The following ST6GAL1 variants were observed in gnomAD, a reference collection of about 807,000 sequenced individuals.
ST6GAL1 encodes the protein ST6 beta-galactoside alpha-2,6-sialyltransferase 1.
ST6GAL1 carries 20 observed loss-of-function variants against 38.0 expected under a neutral mutation model. The ratio of observed to expected loss-of-function variants is 0.53; its 90% confidence interval spans 0.37 to 0.77. The LOEUF is 0.77. Among genes scored for constraint, ST6GAL1 ranks in the 30% least tolerant of loss-of-function variants. The pLI is 0.00. For missense variants in ST6GAL1, 432 were observed against 496.4 expected, an observed-to-expected ratio of 0.87 and a Z score of 1.23; for synonymous variants, 196 against 188.2, an observed-to-expected ratio of 1.04 and a Z score of -0.34.
At chr3:187,005,568 C>G (rs1200788965) in intron 2 of ST6GAL1, among the ~76,000 whole-genome samples, 1 of 152,112 alleles carries the variant, frequency 6.6e-6, no homozygotes, top group Non-Finnish European at 1.5e-5. Context: ...AGCCACGGCG[C>G]CCGGCATCTG....
intron 1 of ST6GAL1, among the ~76,000 whole-genome samples, chr3:186,955,745 C>T (rs1005416130): frequency 6.6e-6 from 1 of 152,168 alleles, no homozygotes; most frequent in Non-Finnish European, 1.5e-5. Flanking sequence ...TTGTGATCCA[C>T]CCACCTCAGC....
intron 2 of ST6GAL1, among the ~76,000 whole-genome samples, chr3:186,993,099 GTGTT>G (rs1164190423): frequency 2.0e-5 from 3 of 152,154 alleles, no homozygotes; most frequent in Non-Finnish European, 4.4e-5. Flanking sequence ...TCTGACTTGA[GTGTT>G]TGTGTCCCTA....
chr3:187,044,728 CAG>C (rs1449723955), intron 4 of ST6GAL1, among the ~76,000 whole-genome samples: 2 of 152,160 alleles, frequency 1.3e-5, no homozygotes, highest in East Asian at 1.9e-4. Flanking sequence ...AAGTTTGAGA[CAG>C]GGCCTGATAG....
chr3:186,984,850 T>TCCTG, intron 2 of ST6GAL1, among the ~76,000 whole-genome samples: 1 of 118,172 alleles, frequency 8.5e-6, no homozygotes, highest in Non-Finnish European at 1.7e-5. Flanking sequence ...CCTCCCTCCT[T>TCCTG]CCTTCCTTCC....
At chr3:187,062,853 T>C (rs1718969730) in intron 5 of ST6GAL1, among the ~76,000 whole-genome samples, 1 of 152,156 alleles carries the variant, frequency 6.6e-6, no homozygotes, top group African/African-American at 2.4e-5. Flanking sequence ...AAAATGTCAG[T>C]AGGGGAGACA....
intron 5 of ST6GAL1, 175 bp from the exon 6 acceptor site, chr3:187,072,674 G>T (rs771848436): frequency 6.1e-5 from 41 of 676,350 alleles, no homozygotes; most frequent in Non-Finnish European, 9.6e-5. Flanking sequence ...GGTCAACACA[G>T]TGCAGGCTGG....
At chr3:186,962,840 G>A (rs1579274986) in intron 1 of ST6GAL1, among the ~76,000 whole-genome samples, 1 of 152,136 alleles carries the variant, frequency 6.6e-6, no homozygotes, top group Non-Finnish European at 1.5e-5. Context: ...CACTATACAT[G>A]GCTCATTGGA....
At chr3:187,012,774 T>C (rs144302750) in intron 2 of ST6GAL1, among the ~76,000 whole-genome samples, 3 of 152,358 alleles carry the variant, frequency 2.0e-5, no homozygotes, top group Non-Finnish European at 2.9e-5. Context: ...TTTCCTGTTT[T>C]CTTCCCCTGA....
chr3:187,007,039 G>A (rs941142268), intron 2 of ST6GAL1, among the ~76,000 whole-genome samples: 6 of 152,190 alleles, frequency 3.9e-5, no homozygotes, highest in African/African-American at 1.4e-4. Flanking sequence ...CTCTACCAAT[G>A]TTTACAACAG....
intron 2 of ST6GAL1, among the ~76,000 whole-genome samples, chr3:187,014,075 G>C (rs1218688283): frequency 6.6e-6 from 1 of 152,180 alleles, no homozygotes; most frequent in African/African-American, 2.4e-5. Flanking sequence ...AGGTTTGCCA[G>C]CTCTCATTTA....
chr3:186,944,507 G>A (rs1338059750), intron 1 of ST6GAL1, among the ~76,000 whole-genome samples: 1 of 152,098 alleles, frequency 6.6e-6, no homozygotes, highest in Non-Finnish European at 1.5e-5. Flanking sequence ...GCAAAATCAA[G>A]ATTATTGAAA....
chr3:187,025,824 C>G (rs1053334690), intron 2 of ST6GAL1, among the ~76,000 whole-genome samples: 2 of 152,126 alleles, frequency 1.3e-5, no homozygotes, highest in African/African-American at 4.8e-5. Flanking sequence ...GGTGGGGACA[C>G]AACACCCCCC....
At chr3:187,017,774 G>A (rs893025254) in intron 2 of ST6GAL1, among the ~76,000 whole-genome samples, 3 of 152,150 alleles carry the variant, frequency 2.0e-5, no homozygotes, top group African/African-American at 7.2e-5. Context: ...AAACCACGAC[G>A]GACATGGTTG....
chr3:186,997,094 G>T (rs1716438792), intron 2 of ST6GAL1, among the ~76,000 whole-genome samples: 1 of 151,954 alleles, frequency 6.6e-6, no homozygotes, highest in Non-Finnish European at 1.5e-5. Flanking sequence ...AGAGACATGA[G>T]ACATGGAAAA....
At position 187,075,533 on chromosome 3, in the gene ST6GAL1, G is replaced by T. The variant is rs376137339; in HGVS notation, c.980-29G>T. The T allele has an allele frequency of 7.5e-6, 12 of 1,608,914 alleles. No homozygotes were observed. The highest frequency in any genetic ancestry group is 9.4e-6 in the Non-Finnish European group (11 of 1,176,110). On this transcript the variant is annotated intron_variant, in intron 7 of 7. Transcript: ENST00000169298. This position sits in a 1 kb window ranked among gnomAD's most constrained non-coding sequence, Gnocchi z 4.1. ...CTGGGGTGCTGGGGTGGGTTGTCAG[G>T]CATGACTCACCTCTGCTCCCCTCTC...
At chr3:187,059,515 G>A (rs1395844259) in intron 5 of ST6GAL1, among the ~76,000 whole-genome samples, 1 of 152,206 alleles carries the variant, frequency 6.6e-6, no homozygotes, top group African/African-American at 2.4e-5. Flanking sequence ...TTCAACAAAT[G>A]TATTCAGTAT....
intron 1 of ST6GAL1, among the ~76,000 whole-genome samples, chr3:186,946,174 TG>T (rs1714361163): frequency 6.6e-6 from 1 of 151,008 alleles, no homozygotes; most frequent in Non-Finnish European, 1.5e-5. Context: ...GTACTGGGCA[TG>T]GTGGCGGGCG....
intron 1 of ST6GAL1, among the ~76,000 whole-genome samples, chr3:186,933,557 A>G (rs1230722074): frequency 2.0e-5 from 3 of 152,160 alleles, no homozygotes; most frequent in Non-Finnish European, 4.4e-5. Flanking sequence ...AAAATCCTAC[A>G]TCAATTCCTC....
chr3:186,944,996 AAGTC>A (rs1399876925), intron 1 of ST6GAL1, among the ~76,000 whole-genome samples: 1 of 152,184 alleles, frequency 6.6e-6, no homozygotes, highest in Non-Finnish European at 1.5e-5. Flanking sequence ...GCTTTAAGGG[AAGTC>A]ATGTTGGTCT....
Sources: allele counts gnomAD v4.1 joint callset (sites outside exome capture counted in the v4.1 genomes callset), GRCh38; gene constraint gnomAD v4.1.1; non-coding constraint Gnocchi (gnomAD v3.1); transcripts MANE v1.5; gene names NCBI Gene and HGNC (gene_info 2026-07-23, HGNC 2026-07-21).